Variants in GLIS3 observed in about 807,000 individuals in gnomAD.
GLIS3 encodes GLIS family zinc finger 3.
Under a neutral mutation model 78.6 loss-of-function variants are expected in GLIS3, and 53 were observed. That is an observed-to-expected ratio of 0.67 (90% CI 0.54 to 0.85). The LOEUF (loss-of-function observed/expected upper bound fraction) is 0.85, where lower values mean the gene tolerates loss of function less well. Among genes scored for constraint, GLIS3 ranks in the 40% least tolerant of loss-of-function variants. The pLI, the probability that GLIS3 is intolerant of heterozygous loss-of-function variation, is 0.00. For synonymous variants in GLIS3, 684 were observed against 509.9 expected (o/e 1.34, Z -4.60); for missense variants, 1,703 against 1,231.1 (o/e 1.38, Z -5.74).
chr9:4,342,126 A>G (rs989073842), intron 2 of GLIS3, among the ~76,000 whole-genome samples: 1 of 151,956 alleles, frequency 6.6e-6, no homozygotes, highest in Admixed American at 6.6e-5. Context: ...GTCAATTTTT[A>G]TTATTGCTTT....
chr9:4,117,589 G>A (rs1172262924), intron 4 of GLIS3, among the ~76,000 whole-genome samples, 179 bp downstream of exon 4: 1 of 152,136 alleles, frequency 6.6e-6, no homozygotes, highest in Non-Finnish European at 1.5e-5. Flanking sequence ...ATATAGCAAT[G>A]GAGAGCCACT....
At chr9:4,170,654 G>C (rs1222777161) in intron 2 of GLIS3, among the ~76,000 whole-genome samples, 3 of 152,134 alleles carry the variant, frequency 2.0e-5, no homozygotes, top group Non-Finnish European at 2.9e-5. Flanking sequence ...TCCATCAGAA[G>C]GCTTACACGA....
At chr9:4,190,221 A>G (rs1171868055) in intron 2 of GLIS3, among the ~76,000 whole-genome samples, 1 of 152,226 alleles carries the variant, frequency 6.6e-6, no homozygotes, top group African/African-American at 2.4e-5. Flanking sequence ...GCTTCAGACA[A>G]TCAAACTACT....
At chr9:3,863,890 G>A (rs141205908) in intron 8 of GLIS3, among the ~76,000 whole-genome samples, 1 of 152,102 alleles carries the variant, frequency 6.6e-6, no homozygotes, top group East Asian at 1.9e-4. Context: ...TCTCCCCTGT[G>A]GAAAGAAAAA....
intron 2 of GLIS3, among the ~76,000 whole-genome samples, chr9:4,321,340 T>C (rs568177332): frequency 3.3e-5 from 4 of 120,516 alleles, no homozygotes; most frequent in Non-Finnish European, 6.2e-5. Context: ...GAGAATGGCG[T>C]GAACCCAGGA....
At chr9:3,887,750 A>G (rs73643615) in intron 7 of GLIS3, among the ~76,000 whole-genome samples, 12,757 of 152,258 alleles carry the variant, frequency 0.084, 897 homozygotes, top group African/African-American at 0.19. Context: ...ACCATCAAGC[A>G]TTCCTAAATA....
chr9:4,412,649 C>T, the GLIS3 span, among the ~76,000 whole-genome samples: 2 of 152,164 alleles, frequency 1.3e-5, no homozygotes, highest in Admixed American at 1.3e-4. Context: ...TGTAAAAAAG[C>T]ACAAATGTGG....
intron 4 of GLIS3, among the ~76,000 whole-genome samples, chr9:4,091,451 A>C (rs1377874723): frequency 6.6e-6 from 1 of 152,190 alleles, no homozygotes; most frequent in Non-Finnish European, 1.5e-5. Flanking sequence ...AGTGGAAATA[A>C]AAATAAAAAC....
At chr9:4,424,508 T>G in the GLIS3 span, among the ~76,000 whole-genome samples, 8 of 152,168 alleles carry the variant, frequency 5.3e-5, no homozygotes, top group Admixed American at 4.6e-4. Flanking sequence ...AGAGAATACT[T>G]GATTATTGCA....
chr9:4,169,286 T>C (rs1026505138), intron 2 of GLIS3, among the ~76,000 whole-genome samples: 9 of 152,238 alleles, frequency 5.9e-5, no homozygotes, highest in African/African-American at 1.9e-4. Context: ...AAAACATCAT[T>C]ACTAGCCTCA....
chr9:4,115,053 A>G (rs1378040639), intron 4 of GLIS3, among the ~76,000 whole-genome samples: 1 of 152,158 alleles, frequency 6.6e-6, no homozygotes, highest in African/African-American at 2.4e-5. Flanking sequence ...AGTGGCAGCC[A>G]CTTACTGTAA....
chr9:3,986,760 G>C (rs1205165033), intron 4 of GLIS3, among the ~76,000 whole-genome samples: 1 of 152,242 alleles, frequency 6.6e-6, no homozygotes, highest in Non-Finnish European at 1.5e-5. Flanking sequence ...ACCAAAAATA[G>C]TAAAGGCTTT....
At chr9:4,311,237 C>A (rs7039501) in intron 2 of GLIS3, among the ~76,000 whole-genome samples, 1 of 152,022 alleles carries the variant, frequency 6.6e-6, no homozygotes, top group Non-Finnish European at 1.5e-5. Flanking sequence ...GGCGAAACCC[C>A]GTCTCTACTA....
chr9:4,154,596 C>A (rs1834914904), intron 2 of GLIS3, among the ~76,000 whole-genome samples: 1 of 123,576 alleles, frequency 8.1e-6, no homozygotes, highest in Non-Finnish European at 1.7e-5. Flanking sequence ...CATAAACAGT[C>A]CTTGCGAATC....
At position 3,879,443 on chromosome 9, in the gene GLIS3, C is replaced by T. The variant is rs1039399639; in HGVS notation, c.2281G>A (p.Asp761Asn). 12 of 1,613,972 alleles carry T rather than the reference C, an allele frequency of 7.4e-6. No homozygotes were observed. Among genetic ancestry groups the T allele is most frequent in the African/African-American group, 2.7e-5 (2 of 74,886 alleles). ...SSQLPPLTAV[D>N]AGAERFAPSA... Reference sequence around the variant, plus strand: ...TGGCCTTACCTCTCAGCTCCTGCGTCCACAGCTGTGAGTGGAGGTAACTGG... The same window carrying T: ...TGGCCTTACCTCTCAGCTCCTGCGTTCACAGCTGTGAGTGGAGGTAACTGG... The change falls in exon 8 of 11, where the codon GAC (aspartate) becomes AAC (asparagine). Residue 761 changes from aspartate (D) to asparagine (N), a missense_variant. Asp to Asn is a conservative substitution (Grantham distance 23). Transcript: ENST00000381971.
chr9:4,456,065 G>GC, the GLIS3 span, among the ~76,000 whole-genome samples: 4 of 151,926 alleles, frequency 2.6e-5, no homozygotes, highest in Non-Finnish European at 2.9e-5. Context: ...CTGAGATCAC[G>GC]CCACTGCACT....
In GLIS3 at chr9:3,977,161, C is replaced by G. The variant is rs519916; in HGVS notation, c.1711-39972G>C. Among the ~76,000 whole-genome samples the G allele has an allele frequency of 6.6e-6, 1 of 151,914 alleles. No homozygotes were observed. Among genetic ancestry groups the G allele is most frequent in the Non-Finnish European group, 1.5e-5 (1 of 68,000 alleles). On this transcript the variant is annotated intron_variant, in intron 4 of 10. Coordinates refer to ENST00000381971, the MANE Select transcript of GLIS3 (RefSeq NM_001042413.2). This position sits in a 1 kb window ranked among gnomAD's most constrained non-coding sequence, Gnocchi z 4.1. ...CTGCAGAATTCACACCACTCGATAC[C>G]GAATGCTTACAACTCCCAAGCCGGG...
At chr9:3,829,830 C>A (rs1032883473) in intron 9 of GLIS3, among the ~76,000 whole-genome samples, 2 of 152,146 alleles carry the variant, frequency 1.3e-5, no homozygotes, top group African/African-American at 4.8e-5. Flanking sequence ...TAGACTCTCC[C>A]GTCGGCATTT....
chr9:3,938,848 C>T (rs1308985091), intron 4 of GLIS3, among the ~76,000 whole-genome samples: 1 of 152,142 alleles, frequency 6.6e-6, no homozygotes, highest in Admixed American at 6.5e-5. Context: ...CTCATTTCTG[C>T]AGCTTTTCAA....
Sources: allele counts gnomAD v4.1 joint callset (sites outside exome capture counted in the v4.1 genomes callset), GRCh38; gene constraint gnomAD v4.1.1; non-coding constraint Gnocchi (gnomAD v3.1); transcripts MANE v1.5; gene names NCBI Gene and HGNC (gene_info 2026-07-23, HGNC 2026-07-21).